Variants in LIG1 observed in about 807,000 individuals in gnomAD.
LIG1 encodes the protein DNA ligase 1.
LIG1 carries 70 observed loss-of-function variants against 115.7 expected under a neutral mutation model. The observed-to-expected ratio is 0.60, with a 90% confidence interval of 0.50 to 0.74. LIG1 has a LOEUF of 0.74. Ranked by LOEUF, LIG1 falls within the 30% of genes least tolerant of loss-of-function variation. LIG1 has a pLI of 0.00. For synonymous variants in LIG1, 487 were observed against 495.3 expected (o/e 0.98, Z 0.22); for missense variants, 1,115 against 1,225.6 (o/e 0.91, Z 1.35).
At chr19:48,136,640 G>A (rs2034408071) in intron 14 of LIG1, among the ~76,000 whole-genome samples, 1 of 152,182 alleles carries the variant, frequency 6.6e-6, no homozygotes, top group South Asian at 2.1e-4. Context: ...CACAGGGCAG[G>A]GCTCCCAAGA....
chr19:48,121,224 G>GC lies in LIG1; in HGVS notation c.2330dup (p.Phe778LeufsTer11). 6.2e-7 allele frequency: 1 copy of GC among 1,614,018 alleles called. No individual in the cohort carries two copies. The highest frequency in any genetic ancestry group is 8.5e-7 in the Non-Finnish European group (1 of 1,180,004). Reference sequence around the variant, plus strand: ...CCTCGTCGTAGGAGGCCAGCAGGAAGCCCCCGTACCGGCCGGCCCGCTTCC... The same window carrying GC: ...CCTCGTCGTAGGAGGCCAGCAGGAAGCCCCCCGTACCGGCCGGCCCGCTTCC... On this transcript the variant is annotated frameshift_variant, in exon 24 of 28. Coordinates refer to ENST00000263274, the MANE Select transcript of LIG1 (RefSeq NM_000234.3). LOFTEE classifies it high-confidence loss of function.
In LIG1 at chr19:48,143,973, C is replaced by T. The variant is rs2122733500; in HGVS notation, c.777-10G>A. On this transcript the variant is annotated splice_polypyrimidine_tract_variant and intron_variant, in intron 9 of 27. Coordinates refer to ENST00000263274, the MANE Select transcript of LIG1 (RefSeq NM_000234.3). ...AGATGGATCCAGGGGTCTACGGAGG[C>T]AAAACGGAGATTGAATTGCATAGAG... The T allele has an allele frequency of 6.2e-7, 1 of 1,605,754 alleles. No homozygotes were observed. The highest frequency in any genetic ancestry group is 8.5e-7 in the Non-Finnish European group (1 of 1,172,524).
intron 24 of LIG1, chr19:48,120,018 T>C: frequency 3.9e-6 from 1 of 255,020 alleles, no homozygotes; most frequent in Non-Finnish European, 6.2e-6. Context: ...TCTTTTTGCC[T>C]TTTGTCCTGA....
At chr19:48,119,058 G>C in intron 25 of LIG1, 79 bp downstream of exon 25, 1 of 1,190,696 alleles carries the variant, frequency 8.4e-7, no homozygotes, top group Non-Finnish European at 1.2e-6. Flanking sequence ...TGGAAGCCAA[G>C]AGCCCTGCAT....
At chr19:48,125,914 G>A (rs2033635004) in intron 21 of LIG1, among the ~76,000 whole-genome samples, 1 of 150,010 alleles carries the variant, frequency 6.7e-6, no homozygotes, top group African/African-American at 2.5e-5. Context: ...CTTGACCCCA[G>A]GAGGCGGAGG....
chr19:48,123,280 C>G lies in LIG1; in HGVS notation c.2043G>C (p.Leu681=), dbSNP rs754494250. 6.2e-7 allele frequency: 1 copy of G among 1,613,928 alleles called. No homozygotes were observed. Among genetic ancestry groups the G allele is most frequent in the Non-Finnish European group, 8.5e-7 (1 of 1,180,028 alleles). ...VREPLSRRRQ[L]LRENFVETEG... ...CTGTCTCCACAAAGTTCTCCCGGAG[C>G]AGCTGCCGGCGCCGGGAAAGGGGCT... The change falls in exon 22 of 28, where the codon CTG becomes CTC. Residue 681 remains leucine, a synonymous_variant. Coordinates refer to ENST00000263274, the MANE Select transcript of LIG1 (RefSeq NM_000234.3).
In LIG1 at chr19:48,117,643, C is replaced by G; in HGVS notation, c.2578G>C (p.Gly860Arg). The G allele has an allele frequency of 1.2e-6, 2 of 1,612,564 alleles. No homozygotes were observed. Among genetic ancestry groups the G allele is most frequent in the South Asian group, 1.1e-5 (1 of 90,718 alleles). ...SLSPIYPAARGLVDSDKGISL... is the reference protein window; with the variant it reads ...SLSPIYPAARRLVDSDKGISL... The stretch of plus-strand genomic sequence containing the variant: ...CCAGGTCCTCTGCCACTCACCAGGC[C>G]CCGCGCAGCAGGGTAGATGGGAGAG... Residue 860 changes from glycine (G) to arginine (R), a missense_variant, in exon 26 of 28, where the codon GGC becomes CGC. Physicochemically the swap from Gly to Arg is moderately radical, Grantham distance 125. Coordinates refer to ENST00000263274, the MANE Select transcript of LIG1 (RefSeq NM_000234.3).
chr19:48,167,256 T>A (rs2036533525), intron 1 of LIG1, among the ~76,000 whole-genome samples: 2 of 151,952 alleles, frequency 1.3e-5, no homozygotes, highest in Admixed American at 6.6e-5. Context: ...ACATTATATT[T>A]CCTTCCACTA....
At position 48,157,119 on chromosome 19, in the gene LIG1, G is replaced by C. The variant is rs769168744; in HGVS notation, c.265C>G (p.Gln89Glu). 1 of 1,613,204 alleles carries C rather than the reference G, an allele frequency of 6.2e-7. No homozygotes were observed. Among genetic ancestry groups the C allele is most frequent in the South Asian group, 1.1e-5 (1 of 91,068 alleles). Residue 89 changes from glutamine to glutamate, a missense_variant, in exon 5 of 28, where the codon CAG (glutamine) becomes GAG (glutamate). Physicochemically the swap from Gln to Glu is conservative, Grantham distance 29 (BLOSUM62 2). Coordinates refer to ENST00000263274, the MANE Select transcript of LIG1 (RefSeq NM_000234.3). ...KGQKPALDCS[Q>E]VSPPRPATSP... ...GTGGCAGGACGGGGCGGGGAGACCTGTGAGCAGTCCAGGGCAGGCTTCTGG... is the reference window on the plus strand; with the variant it reads ...GTGGCAGGACGGGGCGGGGAGACCTCTGAGCAGTCCAGGGCAGGCTTCTGG...
chr19:48,124,435 C>A (rs1159697414), intron 21 of LIG1, among the ~76,000 whole-genome samples: 1 of 152,198 alleles, frequency 6.6e-6, no homozygotes, highest in African/African-American at 2.4e-5. Context: ...CTACTCAGGG[C>A]ACGTCTGGGA....
At chr19:48,148,706 C>A (rs2035284105) in intron 9 of LIG1, among the ~76,000 whole-genome samples, 2 of 152,104 alleles carry the variant, frequency 1.3e-5, no homozygotes, top group Non-Finnish European at 2.9e-5. Flanking sequence ...TATTTATCCA[C>A]CCACGCATCC....
In LIG1 at chr19:48,122,653, C is replaced by CCGA. The variant is rs1231071225; in HGVS notation, c.2232+278_2232+280dup. Among the ~76,000 whole-genome samples, 1 of 152,214 alleles carries CCGA rather than the reference C, an allele frequency of 6.6e-6. No homozygotes were observed. The highest frequency in any genetic ancestry group is 1.5e-5 in the Non-Finnish European group (1 of 68,044). On this transcript the variant is annotated intron_variant, in intron 23 of 27. Transcript: ENST00000263274. This position sits in a 1 kb window ranked among gnomAD's most constrained non-coding sequence, Gnocchi z 4.3. ...CTTAATTCCTGCCCAAGAGCCTGGC[C>CCGA]CGACACGGGCGGCAGGCTCAGGAGA... is the stretch of plus-strand genomic sequence containing the variant.
intron 5 of LIG1, among the ~76,000 whole-genome samples, chr19:48,156,254 CTTCT>C (rs1462206825): frequency 6.6e-6 from 1 of 152,092 alleles, no homozygotes; most frequent in Non-Finnish European, 1.5e-5. Flanking sequence ...CTTGTTGCCT[CTTCT>C]TTGTCCTAAA....
chr19:48,118,024 G>C (rs951330980), intron 25 of LIG1: 6 of 572,962 alleles, frequency 1.0e-5, no homozygotes, highest in Non-Finnish European at 1.9e-5. Flanking sequence ...AAAAAGTTGA[G>C]AAAGGTGGGA....
intron 24 of LIG1, chr19:48,120,345 A>G: frequency 3.0e-6 from 3 of 985,438 alleles, no homozygotes; most frequent in Non-Finnish European, 3.6e-6. Flanking sequence ...CAGGGTAAAA[A>G]GGCAGAAAAG....
At chr19:48,143,507 A>ACCCCCCCCC in intron 11 of LIG1, 36 bp downstream of exon 11, 1 of 550,510 alleles carries the variant, frequency 1.8e-6, no homozygotes, top group South Asian at 1.4e-5. Context: ...CCCAGAAGCG[A>ACCCCCCCCC]CCCCGCCCCC....
At position 48,119,097 on chromosome 19, in the gene LIG1, G is replaced by C. The variant is rs745634589; in HGVS notation, c.2439+40C>G. ...AGGACTGTGCTGTCAGGGGCAGGGG[G>C]GAGAGGGGTGGAGGCTGAGGCGCAG... On this transcript the variant is annotated intron_variant, in intron 25 of 27. Coordinates refer to ENST00000263274, the MANE Select transcript of LIG1 (RefSeq NM_000234.3). 7 of 1,507,514 alleles carry C rather than the reference G, an allele frequency of 4.6e-6. No homozygotes were observed. In the Admixed American group the frequency reaches 1.3e-4, roughly 29 times the overall value. 93.4% of individuals were successfully genotyped at this position (1,507,514 alleles called of 1,614,324 possible). A position where few individuals can be genotyped will look rare whatever the true frequency, so the allele number is the denominator to read the frequency against.
At chr19:48,152,786 C>G (rs189161752) in intron 6 of LIG1, among the ~76,000 whole-genome samples, 2 of 152,318 alleles carry the variant, frequency 1.3e-5, no homozygotes, top group East Asian at 1.9e-4. Flanking sequence ...AAATCAAGTA[C>G]TGTACAAAAA....
intron 11 of LIG1, 72 bp from the exon 12 acceptor site, chr19:48,140,215 T>A: frequency 2.8e-6 from 3 of 1,052,774 alleles, no homozygotes; most frequent in Non-Finnish European, 2.9e-6. Flanking sequence ...TGGGGTGGGT[T>A]TAAGGGGGTG....
Sources: allele counts gnomAD v4.1 joint callset (sites outside exome capture counted in the v4.1 genomes callset), GRCh38; gene constraint gnomAD v4.1.1; non-coding constraint Gnocchi (gnomAD v3.1); transcripts MANE v1.5; gene names NCBI Gene and HGNC (gene_info 2026-07-23, HGNC 2026-07-21).